The following AGBL1 variants were observed in gnomAD, a reference collection of about 807,000 sequenced individuals.
AGBL1 encodes cytosolic carboxypeptidase 4.
In AGBL1, 130 loss-of-function variants were observed where a neutral mutation model predicts 118.9. The observed-to-expected ratio is 1.09, with a 90% CI of 0.95 to 1.26. The LOEUF is 1.26. Among genes scored for constraint, AGBL1 ranks in the 50% most tolerant of loss-of-function variants. AGBL1 has a pLI of 0.00. For missense variants in AGBL1, 1,584 were observed against 1,298.1 expected, an observed-to-expected ratio of 1.22 and a Z score of -3.38; for synonymous variants, 555 against 478.9, an observed-to-expected ratio of 1.16 and a Z score of -2.08.
intron 21 of AGBL1, among the ~76,000 whole-genome samples, chr15:86,672,383 A>G (rs1462157883): frequency 1.3e-5 from 2 of 152,202 alleles, no homozygotes; most frequent in African/African-American, 4.8e-5. Flanking sequence ...AACTCTCCCT[A>G]ACCTACCAGT....
At chr15:86,940,716 C>A (rs1242710397) in intron 23 of AGBL1, among the ~76,000 whole-genome samples, 2 of 152,184 alleles carry the variant, frequency 1.3e-5, no homozygotes, top group African/African-American at 4.8e-5. Context: ...ATTTCCCAAA[C>A]AGGCCAGTTT....
chr15:86,987,534 A>G (rs1027140605), intron 23 of AGBL1, among the ~76,000 whole-genome samples: 5 of 152,186 alleles, frequency 3.3e-5, no homozygotes, highest in African/African-American at 1.2e-4. Context: ...TTATTAAACA[A>G]AAGTGGTGAA....
chr15:86,509,057 T>C (rs754983032), intron 18 of AGBL1, among the ~76,000 whole-genome samples: 7 of 152,110 alleles, frequency 4.6e-5, no homozygotes, highest in Non-Finnish European at 1.0e-4. Flanking sequence ...AGTCTAAAAT[T>C]TAACAAAGTT....
At chr15:86,424,323 C>G (rs1244066530) in intron 18 of AGBL1, among the ~76,000 whole-genome samples, 2 of 152,192 alleles carry the variant, frequency 1.3e-5, no homozygotes, top group East Asian at 3.9e-4. Flanking sequence ...ATTGAGAAAA[C>G]TAGCTAGCCA....
At chr15:86,357,721 A>G (rs1413528515) in intron 17 of AGBL1, among the ~76,000 whole-genome samples, 2 of 152,108 alleles carry the variant, frequency 1.3e-5, no homozygotes, top group African/African-American at 4.8e-5. Context: ...TACTAAAATA[A>G]TGTTCCCTTA....
intron 22 of AGBL1, among the ~76,000 whole-genome samples, chr15:86,866,492 A>G (rs2079632244): frequency 6.6e-6 from 1 of 152,212 alleles, no homozygotes. Flanking sequence ...TCAGAAAACA[A>G]TTATTGAGCA....
chr15:87,010,196 T>A (rs2081544132), intron 24 of AGBL1, among the ~76,000 whole-genome samples: 1 of 152,100 alleles, frequency 6.6e-6, no homozygotes, highest in Non-Finnish European at 1.5e-5. Context: ...TGGGGGCAGG[T>A]ATTTACCATG....
At chr15:86,147,023 T>C (rs996279746) in intron 3 of AGBL1, among the ~76,000 whole-genome samples, 11 of 152,154 alleles carry the variant, frequency 7.2e-5, no homozygotes, top group Admixed American at 7.2e-4. Context: ...GAACAGAAAA[T>C]AAGTATTTCT....
chr15:86,297,461 A>G lies in AGBL1; in HGVS notation c.2374+2053A>G, dbSNP rs147915512. Among the ~76,000 whole-genome samples the G allele has an allele frequency of 2.9e-3, 435 of 152,250 alleles. 3 individuals carry two copies. Among genetic ancestry groups the G allele is most frequent in the African/African-American group, 9.8e-3 (406 of 41,556 alleles). ...GCTTTTCTGCTACTATCTTTATAAA[A>G]TTCTTTACAAAGTTTTAAACAAGGG... On this transcript the variant is annotated intron_variant, in intron 17 of 22. Transcript: ENST00000614907.
intron 18 of AGBL1, among the ~76,000 whole-genome samples, chr15:86,484,251 A>C (rs531879023): frequency 6.6e-6 from 1 of 152,176 alleles, no homozygotes; most frequent in African/African-American, 2.4e-5. Flanking sequence ...CCATGAGGGG[A>C]AGGCTGATAG....
At chr15:86,364,553 T>A (rs1475343080) in intron 17 of AGBL1, among the ~76,000 whole-genome samples, 1 of 152,182 alleles carries the variant, frequency 6.6e-6, no homozygotes, top group Non-Finnish European at 1.5e-5. Context: ...GGAATGTTTT[T>A]CTACACATGT....
At chr15:86,552,923 A>G (rs2083683655) in intron 20 of AGBL1, among the ~76,000 whole-genome samples, 1 of 151,802 alleles carries the variant, frequency 6.6e-6, no homozygotes, top group Admixed American at 6.6e-5. Flanking sequence ...TTATGCTAAT[A>G]TATTTATATA....
chr15:86,172,187 A>G (rs1464946800), intron 5 of AGBL1, among the ~76,000 whole-genome samples: 1 of 152,168 alleles, frequency 6.6e-6, no homozygotes, highest in East Asian at 1.9e-4. Context: ...CTATTGAAAT[A>G]AAAAAATTAA....
intron 16 of AGBL1, among the ~76,000 whole-genome samples, chr15:86,281,549 G>T (rs549367288): frequency 6.6e-5 from 10 of 152,270 alleles, no homozygotes; most frequent in Admixed American, 1.3e-4. Context: ...CTCTGATAAG[G>T]TTCCTGGTGG....
intron 17 of AGBL1, among the ~76,000 whole-genome samples, chr15:86,356,210 T>C (rs2080715559): frequency 1.3e-5 from 2 of 152,022 alleles, no homozygotes; most frequent in Non-Finnish European, 2.9e-5. Flanking sequence ...TAGAGACTGA[T>C]GGGAATAAAA....
intron 21 of AGBL1, among the ~76,000 whole-genome samples, chr15:86,560,825 C>T (rs201987615): frequency 1.7e-4 from 26 of 152,152 alleles, no homozygotes; most frequent in Non-Finnish European, 2.9e-4. Context: ...TTTTAATGAT[C>T]GCCATTCTAA....
intron 23 of AGBL1, among the ~76,000 whole-genome samples, chr15:86,946,855 A>AC (rs938942979): frequency 2.0e-5 from 3 of 151,448 alleles, no homozygotes; most frequent in Admixed American, 1.3e-4. Context: ...AAAAAAAAAA[A>AC]AAAAAACAAA....
rs554456795 is a variant in AGBL1, at chr15:86,991,499, G to A, written c.3323+3411G>A. ...TTTGCAAAATGCTTAGGAAACCAAA[G>A]TATGAGAGATCAAGTCATTACAAAC... On this transcript the variant is annotated intron_variant, in intron 24 of 24. Transcript: ENST00000441037. 9.2e-5 allele frequency among the ~76,000 whole-genome samples: 14 copies of A among 152,086 alleles called. No individual in the cohort carries two copies. The South Asian group carries it at 2.9e-3, about 32-fold the overall frequency.
chr15:86,726,872 T>G lies in AGBL1; in HGVS notation c.3158+52436T>G, dbSNP rs984817466. 9.2e-5 allele frequency among the ~76,000 whole-genome samples: 14 copies of G among 152,312 alleles called. No individual in the cohort carries two copies. The East Asian group carries it at 2.7e-3, about 29-fold the overall frequency. On this transcript the variant is annotated intron_variant, in intron 22 of 22. Coordinates refer to ENST00000614907, the MANE Select transcript of AGBL1 (RefSeq NM_001386094.1). ...ACCCAGCCAGTACTATGTATCATCA[T>G]TATCATTGGATACACCAGGTTTTAG...
Sources: allele counts gnomAD v4.1 joint callset (sites outside exome capture counted in the v4.1 genomes callset), GRCh38; gene constraint gnomAD v4.1.1; transcripts MANE v1.5; gene names NCBI Gene and HGNC (gene_info 2026-07-23, HGNC 2026-07-21).